WWOX: variants seen among roughly 807,000 people sequenced by gnomAD.
The protein encoded by WWOX is WW domain containing oxidoreductase.
A neutral mutation model predicts 46.2 loss-of-function variants in WWOX; 69 were observed. The observed-to-expected ratio is 1.49, with a 90% CI of 1.23 to 1.82. WWOX has a LOEUF of 1.82. Among genes scored for constraint, WWOX ranks in the 40% most tolerant of loss-of-function variants. The pLI is 0.00. For missense variants in WWOX, 919 were observed against 542.6 expected, an observed-to-expected ratio of 1.69 and a Z score of -6.89; for synonymous variants, 359 against 202.6, an observed-to-expected ratio of 1.77 and a Z score of -6.56.
chr16:78,546,379 T>C (rs953596511), intron 8 of WWOX, among the ~76,000 whole-genome samples: 1 of 152,080 alleles, frequency 6.6e-6, no homozygotes, highest in African/African-American at 2.4e-5. Flanking sequence ...TACAACAGGT[T>C]TCGGGACTTG....
intron 8 of WWOX, among the ~76,000 whole-genome samples, chr16:78,499,930 A>G (rs1041893797): frequency 6.6e-6 from 1 of 152,218 alleles, no homozygotes; most frequent in African/African-American, 2.4e-5. Flanking sequence ...AGGATTAAGT[A>G]GTACCAAATG....
At chr16:78,757,890 C>A (rs988527197) in intron 8 of WWOX, among the ~76,000 whole-genome samples, 4 of 152,102 alleles carry the variant, frequency 2.6e-5, no homozygotes, top group African/African-American at 7.2e-5. Context: ...TGAAGTACCT[C>A]CTAAAGGCTC....
intron 8 of WWOX, among the ~76,000 whole-genome samples, chr16:79,138,266 T>C (rs1015738228): frequency 6.6e-6 from 1 of 152,230 alleles, no homozygotes; most frequent in Middle Eastern, 3.2e-3. Flanking sequence ...GGTGCTGTAC[T>C]CATAGGAAAA....
chr16:78,727,841 GCTT>G (rs1252145019), intron 8 of WWOX, among the ~76,000 whole-genome samples: 1 of 151,870 alleles, frequency 6.6e-6, no homozygotes, highest in Non-Finnish European at 1.5e-5. Context: ...CTACATCAGT[GCTT>G]CTTGGATATT....
At chr16:79,126,170 G>A (rs780760512) in intron 8 of WWOX, among the ~76,000 whole-genome samples, 1 of 152,086 alleles carries the variant, frequency 6.6e-6, no homozygotes, top group Non-Finnish European at 1.5e-5. Flanking sequence ...ATGATGTGAT[G>A]GGGAAAGAGG....
chr16:79,016,955 C>T (rs1202909966), intron 8 of WWOX: 1 of 152,230 alleles, frequency 6.6e-6, no homozygotes, highest in Non-Finnish European at 1.5e-5. Context: ...CCACCTCGAC[C>T]TCGAGAAGTG....
intron 8 of WWOX, among the ~76,000 whole-genome samples, chr16:78,974,365 A>G (rs1461606441): frequency 6.6e-6 from 1 of 152,206 alleles, no homozygotes; most frequent in African/African-American, 2.4e-5. Flanking sequence ...ATCTTAATTG[A>G]ACAGTACGTG....
intron 8 of WWOX, among the ~76,000 whole-genome samples, chr16:78,682,708 T>G (rs76887953): frequency 0.013 from 2,039 of 152,300 alleles, 22 homozygotes; most frequent in Non-Finnish European, 0.023. Context: ...ATCCCAACCC[T>G]ATTAAAAAAT....
intron 8 of WWOX, among the ~76,000 whole-genome samples, chr16:78,923,821 A>T (rs1424926164): frequency 1.2e-5 from 1 of 86,312 alleles, no homozygotes; most frequent in Non-Finnish European, 2.2e-5. Flanking sequence ...TTTTTTTCAG[A>T]CGGAGTCTTG....
intron 8 of WWOX, among the ~76,000 whole-genome samples, chr16:78,505,821 T>A (rs2085186126): frequency 1.2e-5 from 1 of 85,866 alleles, no homozygotes; most frequent in Admixed American, 1.7e-4. Flanking sequence ...ATTACCCAGA[T>A]GATCTGATTC....
At chr16:78,738,993 A>G (rs1450857147) in intron 8 of WWOX, among the ~76,000 whole-genome samples, 2 of 152,080 alleles carry the variant, frequency 1.3e-5, no homozygotes, top group Admixed American at 1.3e-4. Flanking sequence ...GACGTAGGTG[A>G]TAGGATAGAA....
chr16:78,137,068 T>C (rs143201976), intron 4 of WWOX, among the ~76,000 whole-genome samples: 1 of 152,198 alleles, frequency 6.6e-6, no homozygotes, highest in East Asian at 1.9e-4. Flanking sequence ...TTGGATCAGC[T>C]CCCTTGAGCA....
At chr16:78,498,534 A>C (rs944417187) in intron 8 of WWOX, among the ~76,000 whole-genome samples, 1 of 152,186 alleles carries the variant, frequency 6.6e-6, no homozygotes, top group African/African-American at 2.4e-5. Context: ...AAGGTGACAG[A>C]GACCGAGAAA....
At chr16:78,516,750 A>G (rs139018016) in intron 8 of WWOX, among the ~76,000 whole-genome samples, 1 of 152,184 alleles carries the variant, frequency 6.6e-6, no homozygotes, top group African/African-American at 2.4e-5. Context: ...AGGGTTTCCT[A>G]ATGCTCCTTC....
chr16:79,107,973 GTGTAGAATATA>G (rs2049343443), intron 8 of WWOX, among the ~76,000 whole-genome samples: 1 of 152,228 alleles, frequency 6.6e-6, no homozygotes, highest in Admixed American at 6.5e-5. Context: ...GTCAGGTTGA[GTGTAGAATATA>G]TTTATTCCTA....
At chr16:79,142,377 C>G (rs922840162) in intron 8 of WWOX, among the ~76,000 whole-genome samples, 1 of 152,208 alleles carries the variant, frequency 6.6e-6, no homozygotes, top group African/African-American at 2.4e-5. Flanking sequence ...GATTACCCAT[C>G]TCCCATGTTT....
intron 8 of WWOX, among the ~76,000 whole-genome samples, chr16:78,689,972 T>C (rs928917826): frequency 6.6e-6 from 1 of 152,124 alleles, no homozygotes; most frequent in African/African-American, 2.4e-5. Context: ...ATGATTCTCC[T>C]ACCTCAGCCT....
At chr16:78,723,302 G>A (rs543977712) in intron 8 of WWOX, among the ~76,000 whole-genome samples, 1 of 152,262 alleles carries the variant, frequency 6.6e-6, no homozygotes, top group Non-Finnish European at 1.5e-5. Context: ...GCATCATGAA[G>A]CATGGTCTCT....
intron 8 of WWOX, among the ~76,000 whole-genome samples, chr16:78,510,301 G>C (rs2085331140): frequency 6.6e-6 from 1 of 152,160 alleles, no homozygotes; most frequent in Admixed American, 6.5e-5. Flanking sequence ...CGCCTCCTGA[G>C]TTCAACTGAT....
Sources: allele counts gnomAD v4.1 joint callset (sites outside exome capture counted in the v4.1 genomes callset), GRCh38; gene constraint gnomAD v4.1.1; transcripts MANE v1.5; gene names NCBI Gene and HGNC (gene_info 2026-07-23, HGNC 2026-07-21).